CACNA2D3: variants seen among roughly 807,000 people sequenced by gnomAD.
CACNA2D3 encodes the protein calcium voltage-gated channel auxiliary subunit alpha2delta 3.
Under a neutral mutation model 160.6 loss-of-function variants are expected in CACNA2D3, and 60 were observed. The observed-to-expected ratio is 0.37, with a 90% confidence interval of 0.30 to 0.46. The LOEUF (loss-of-function observed/expected upper bound fraction) is 0.46. Among genes scored for constraint, CACNA2D3 ranks in the 20% least tolerant of loss-of-function variants. CACNA2D3 has a pLI of 1.00. For missense variants in CACNA2D3, 1,205 were observed against 1,365.0 expected, an observed-to-expected ratio of 0.88 and a Z score of 1.85; for synonymous variants, 558 against 492.9, an observed-to-expected ratio of 1.13 and a Z score of -1.75.
chr3:54,506,404 C>T (rs562948145), intron 5 of CACNA2D3, among the ~76,000 whole-genome samples: 17 of 152,262 alleles, frequency 1.1e-4, no homozygotes, highest in Non-Finnish European at 2.1e-4. Flanking sequence ...TTGATACTTG[C>T]CTAGGAGCTT....
intron 27 of CACNA2D3, among the ~76,000 whole-genome samples, chr3:54,945,844 T>TGCAG: frequency 6.6e-6 from 1 of 152,140 alleles, no homozygotes; most frequent in Admixed American, 6.5e-5. Flanking sequence ...TGCCAGGTAG[T>TGCAG]CAGTGGGCAA....
intron 4 of CACNA2D3, among the ~76,000 whole-genome samples, chr3:54,429,155 G>T (rs1699951531): frequency 6.6e-6 from 1 of 152,186 alleles, no homozygotes; most frequent in Non-Finnish European, 1.5e-5. Flanking sequence ...AGCTGCTATA[G>T]ATTTCCACTC....
At chr3:54,759,299 A>T (rs182379885) in intron 12 of CACNA2D3, among the ~76,000 whole-genome samples, 1 of 152,176 alleles carries the variant, frequency 6.6e-6, no homozygotes. Flanking sequence ...GAGAATAAAC[A>T]TTCAAGACCT....
intron 3 of CACNA2D3, among the ~76,000 whole-genome samples, chr3:54,330,266 TC>T (rs1704218409): frequency 6.7e-6 from 1 of 150,008 alleles, no homozygotes; most frequent in Non-Finnish European, 1.5e-5. Context: ...GGAAGGAAAA[TC>T]AGATCCTTGG....
At chr3:54,384,596 C>G (rs930097019) in intron 3 of CACNA2D3, among the ~76,000 whole-genome samples, 1 of 152,156 alleles carries the variant, frequency 6.6e-6, no homozygotes, top group Non-Finnish European at 1.5e-5. Context: ...GGCCCACTTA[C>G]CTGATCTTTG....
At chr3:54,991,427 TGGCTA>T (rs910092499) in intron 31 of CACNA2D3, among the ~76,000 whole-genome samples, 1 of 152,108 alleles carries the variant, frequency 6.6e-6, no homozygotes, top group African/African-American at 2.4e-5. Context: ...TTCACCATGT[TGGCTA>T]GGCTGGTCTT....
rs1276378832 is a variant in CACNA2D3, at chr3:54,911,388, C to T, written c.2449+11520C>T. 1.0e-4 allele frequency among the ~76,000 whole-genome samples: 9 copies of T among 89,742 alleles called. No homozygotes were observed. In the Admixed American group the frequency reaches 1.5e-3, roughly 15 times the overall value. 58.9% of individuals were successfully genotyped at this position (89,742 alleles called of 152,430 possible). A position where few individuals can be genotyped will look rare whatever the true frequency, so the allele number is the denominator to read the frequency against. On this transcript the variant is annotated intron_variant, in intron 27 of 37. Coordinates refer to ENST00000474759, the MANE Select transcript of CACNA2D3 (RefSeq NM_018398.3). Reference sequence around the variant, plus strand: ...TTTTTTTTTTTAAAGAGATGGGGGTCACACGTTTTTCCCCAGACTGGTCTT... The same window carrying T: ...TTTTTTTTTTTAAAGAGATGGGGGTTACACGTTTTTCCCCAGACTGGTCTT...
chr3:54,971,529 G>A (rs1559451177), intron 29 of CACNA2D3, among the ~76,000 whole-genome samples: 2 of 152,214 alleles, frequency 1.3e-5, no homozygotes, highest in Non-Finnish European at 2.9e-5. Context: ...AGCTTGAATA[G>A]TTGGTTGGCT....
intron 34 of CACNA2D3, among the ~76,000 whole-genome samples, chr3:55,016,180 G>A (rs2107154547): frequency 1.3e-5 from 2 of 152,268 alleles, no homozygotes; most frequent in South Asian, 4.2e-4. Context: ...TACAATCAGT[G>A]TAGTCAGGAG....
intron 17 of CACNA2D3, among the ~76,000 whole-genome samples, chr3:54,860,895 A>C (rs905741653): frequency 1.3e-5 from 2 of 152,250 alleles, no homozygotes; most frequent in Admixed American, 6.5e-5. Flanking sequence ...TGAGGGTTAA[A>C]TGAGTTAATG....
intron 2 of CACNA2D3, among the ~76,000 whole-genome samples, chr3:54,200,865 C>A (rs1701164410): frequency 6.6e-6 from 1 of 152,208 alleles, no homozygotes; most frequent in Admixed American, 6.5e-5. Context: ...AAAATAGGAA[C>A]TTTTTTGTTG....
chr3:54,833,373 C>T (rs1703919571), intron 14 of CACNA2D3, among the ~76,000 whole-genome samples: 1 of 152,120 alleles, frequency 6.6e-6, no homozygotes, highest in African/African-American at 2.4e-5. Context: ...ACCATGGTGA[C>T]CCCCACCTCC....
At chr3:54,806,698 A>C in intron 13 of CACNA2D3, among the ~76,000 whole-genome samples, 1 of 152,140 alleles carries the variant, frequency 6.6e-6, no homozygotes, top group East Asian at 1.9e-4. Context: ...AATTGGAAAA[A>C]ACTACTTTAA....
At chr3:54,779,054 C>T (rs1411991264) in intron 13 of CACNA2D3, among the ~76,000 whole-genome samples, 1 of 152,046 alleles carries the variant, frequency 6.6e-6, no homozygotes, top group East Asian at 1.9e-4. Flanking sequence ...ATTGATATTA[C>T]TTTTGCCCAC....
At chr3:54,924,247 C>G (rs1700944074) in intron 27 of CACNA2D3, among the ~76,000 whole-genome samples, 1 of 152,134 alleles carries the variant, frequency 6.6e-6, no homozygotes, top group African/African-American at 2.4e-5. Flanking sequence ...GAGAGATAAC[C>G]ATACCCACAA....
intron 27 of CACNA2D3, among the ~76,000 whole-genome samples, chr3:54,909,119 TTGTC>T (rs1333367645): frequency 6.6e-6 from 1 of 152,202 alleles, no homozygotes; most frequent in African/African-American, 2.4e-5. Flanking sequence ...CCTAATGTTT[TTGTC>T]TGTGTGGTTA....
At chr3:54,624,494 C>T (rs1325669251) in intron 9 of CACNA2D3, among the ~76,000 whole-genome samples, 5 of 152,092 alleles carry the variant, frequency 3.3e-5, no homozygotes, top group Admixed American at 6.5e-5. Flanking sequence ...TGGTGGCGGG[C>T]GCCTGTAGTC....
At chr3:54,278,610 TA>T (rs1702797678) in intron 2 of CACNA2D3, among the ~76,000 whole-genome samples, 1 of 152,088 alleles carries the variant, frequency 6.6e-6, no homozygotes, top group East Asian at 1.9e-4. Context: ...ATAGACTGGA[TA>T]AAGAAAATGT....
chr3:54,777,779 A>C (rs1702451019), intron 13 of CACNA2D3, among the ~76,000 whole-genome samples: 1 of 152,188 alleles, frequency 6.6e-6, no homozygotes, highest in Non-Finnish European at 1.5e-5. Flanking sequence ...ATGGACCCCC[A>C]TGGTATTCCA....
Sources: allele counts gnomAD v4.1 joint callset (sites outside exome capture counted in the v4.1 genomes callset), GRCh38; gene constraint gnomAD v4.1.1; transcripts MANE v1.5; gene names NCBI Gene and HGNC (gene_info 2026-07-23, HGNC 2026-07-21).